Variants in MORN1 observed in about 807,000 individuals in gnomAD.
MORN1 encodes the protein MORN repeat-containing protein 1.
Under a neutral mutation model 61.9 loss-of-function variants are expected in MORN1, and 67 were observed. The ratio of observed to expected loss-of-function variants is 1.08; its 90% confidence interval spans 0.89 to 1.33. The LOEUF is 1.33. Among genes scored for constraint, MORN1 ranks in the 40% most tolerant of loss-of-function variants. The pLI, the probability that MORN1 is intolerant of heterozygous loss-of-function variation, is 0.00. For synonymous variants in MORN1, 301 were observed against 292.0 expected (o/e 1.03, Z -0.31); for missense variants, 752 against 691.2 (o/e 1.09, Z -0.99).
At chr1:2,329,032 G>T (rs1641093489) in intron 12 of MORN1, among the ~76,000 whole-genome samples, 1 of 152,218 alleles carries the variant, frequency 6.6e-6, no homozygotes, top group African/African-American at 2.4e-5. Flanking sequence ...CCTTGGGGAG[G>T]TGCCCACCGT....
rs1219972499 is a variant in MORN1, at chr1:2,357,390, C to T, written c.1036+42G>A. 1 of 1,549,012 alleles carries T rather than the reference C, an allele frequency of 6.5e-7. No individual in the cohort carries two copies. Among genetic ancestry groups the T allele is most frequent in the Non-Finnish European group, 8.7e-7 (1 of 1,145,590 alleles). On this transcript the variant is annotated intron_variant, in intron 10 of 13. Coordinates refer to ENST00000378531, the MANE Select transcript of MORN1 (RefSeq NM_024848.3). This position sits in a 1 kb window ranked among gnomAD's most constrained non-coding sequence, Gnocchi z 6.3. Reference sequence around the variant, plus strand: ...CCCACCCCCACCTTGACTGCTGGGCCTGGGCCCACCCACCCCCAACTGGTT... The same window carrying T: ...CCCACCCCCACCTTGACTGCTGGGCTTGGGCCCACCCACCCCCAACTGGTT...
rs749725203 is a variant in MORN1, at chr1:2,357,563, G to C, written c.905C>G (p.Pro302Arg). The C allele has an allele frequency of 3.7e-6, 6 of 1,611,294 alleles. No homozygotes were observed. Among genetic ancestry groups the C allele is most frequent in the Non-Finnish European group, 5.1e-6 (6 of 1,178,864 alleles). The change falls in exon 10 of 14, where the codon CCC (proline) becomes CGC (arginine). Residue 302 changes from proline (P) to arginine (R), a missense_variant. Pro to Arg is a moderately radical substitution (Grantham distance 103). Transcript: ENST00000378531. The surrounding 1 kb of genome is among the most constrained non-coding windows in gnomAD (Gnocchi z 6.3). ...TCTGGGCCCCGGCACCCCAGCTGCG[G>C]GGCTGGACACAGGATAAGGGATGCA... The part of the protein sequence containing the change: ...FECIPYPVSS[P>R]AAGVPGPRAA...
intron 4 of MORN1, chr1:2,386,265 T>C (rs1002338615): frequency 4.4e-6 from 1 of 225,434 alleles, no homozygotes; most frequent in Non-Finnish European, 8.8e-6. Context: ...AGTTTGGGCC[T>C]GTCGTTTGTT....
chr1:2,358,235 A>AAG (rs1491583249), intron 9 of MORN1, among the ~76,000 whole-genome samples: 1 of 152,058 alleles, frequency 6.6e-6, no homozygotes, highest in African/African-American at 2.4e-5. Context: ...TGGCTGCACC[A>AAG]AGAGAGGCCT....
Position 2,334,526 on chromosome 1 carries a change from C to T in MORN1, c.1250+1943G>A, listed in dbSNP as rs571571371. Among the ~76,000 whole-genome samples, 56 of 152,124 alleles carry T rather than the reference C, an allele frequency of 3.7e-4. No homozygotes were observed. Among genetic ancestry groups the T allele is most frequent in the African/African-American group, 1.3e-3 (54 of 41,534 alleles). Reference sequence around the variant, plus strand: ...GCCAGCTGCATGGAGAGGCGGGGCTCCCTTGGGGGAGCAGGCCTGGTTTTG... The same window carrying T: ...GCCAGCTGCATGGAGAGGCGGGGCTTCCTTGGGGGAGCAGGCCTGGTTTTG... On this transcript the variant is annotated intron_variant, in intron 12 of 13. Transcript: ENST00000378531. The surrounding 1 kb of genome is among the most constrained non-coding windows in gnomAD (Gnocchi z 5.4).
At chr1:2,354,789 T>C (rs1490935039) in intron 10 of MORN1, among the ~76,000 whole-genome samples, 3 of 152,170 alleles carry the variant, frequency 2.0e-5, no homozygotes, top group Non-Finnish European at 4.4e-5. Flanking sequence ...TAGCTTCACA[T>C]CAGAGTGAAA....
At chr1:2,338,465 C>G (rs1641328119) in intron 10 of MORN1, among the ~76,000 whole-genome samples, 1 of 152,154 alleles carries the variant, frequency 6.6e-6, no homozygotes, top group Non-Finnish European at 1.5e-5. Flanking sequence ...TGGACTGCGT[C>G]TTTTATCGAC....
intron 5 of MORN1, 180 bp from the exon 6 acceptor site, chr1:2,385,245 G>A (rs376437341): frequency 4.2e-5 from 26 of 626,330 alleles, no homozygotes; most frequent in South Asian, 9.7e-5. Context: ...GACGACAGGC[G>A]GTGGGGACAC....
chr1:2,378,553 G>A (rs1642296746), intron 6 of MORN1: 2 of 241,330 alleles, frequency 8.3e-6, no homozygotes, highest in South Asian at 1.1e-4. Context: ...TCCGTGCAGT[G>A]AGCAGGTGCT....
intron 6 of MORN1, chr1:2,378,637 G>A (rs1459079500): frequency 1.3e-5 from 4 of 299,124 alleles, no homozygotes; most frequent in African/African-American, 8.7e-5. Context: ...GATACAGCCA[G>A]GGATGCCCGG....
At chr1:2,325,642 ATT>A (rs529341445) in intron 12 of MORN1, among the ~76,000 whole-genome samples, 28,690 of 124,680 alleles carry the variant, frequency 0.23, 3,190 homozygotes, top group South Asian at 0.25. Flanking sequence ...GCCTTTGTTG[ATT>A]TTTTTTTTTT....
In MORN1 at chr1:2,372,795, C is replaced by T. The variant is rs571587423; in HGVS notation, c.635-204G>A. On this transcript the variant is annotated intron_variant, in intron 7 of 13. Transcript: ENST00000378531. This position sits in a 1 kb window ranked among gnomAD's most constrained non-coding sequence, Gnocchi z 5.4. Reference sequence around the variant, plus strand: ...TCGTCCACACTCAGACCGTGAGGCTCGGCTCTGCTGGCCTGGAGCACTGTG... The same window carrying T: ...TCGTCCACACTCAGACCGTGAGGCTTGGCTCTGCTGGCCTGGAGCACTGTG... Among the ~76,000 whole-genome samples, 12 of 152,364 alleles carry T rather than the reference C, an allele frequency of 7.9e-5. No homozygotes were observed. Among genetic ancestry groups the T allele is most frequent in the African/African-American group, 2.2e-4 (9 of 41,600 alleles).
chr1:2,335,386 G>A lies in MORN1; in HGVS notation c.1250+1083C>T, dbSNP rs561532145. ...ACACTCACGTCCGCTTCTGTTTGCC[G>A]GATGGGCAGAGGCAGAGGAGGTCTC... is the stretch of plus-strand genomic sequence containing the variant. On this transcript the variant is annotated intron_variant, in intron 12 of 13. Transcript: ENST00000378531. Among the ~76,000 whole-genome samples the A allele has an allele frequency of 3.9e-5, 6 of 152,318 alleles. No individual in the cohort carries two copies. In the South Asian group the frequency reaches 1.0e-3, roughly 26 times the overall value.
intron 13 of MORN1, chr1:2,323,794 G>T: frequency 1.0e-6 from 1 of 985,318 alleles, no homozygotes; most frequent in Non-Finnish European, 1.2e-6. Flanking sequence ...GGACCCCAAG[G>T]CCTCCGAGTC....
rs1641310965 is a variant in MORN1, at chr1:2,337,764, G to C, written c.1037-914C>G. Among the ~76,000 whole-genome samples the C allele has an allele frequency of 3.3e-5, 5 of 152,346 alleles. 1 individual carries two copies. In the South Asian group the frequency reaches 1.0e-3, roughly 32 times the overall value. On this transcript the variant is annotated intron_variant, in intron 10 of 13. Coordinates refer to ENST00000378531, the MANE Select transcript of MORN1 (RefSeq NM_024848.3). The surrounding 1 kb of genome is among the most constrained non-coding windows in gnomAD (Gnocchi z 5.7). ...AGGAGGTGCTAGCAGGAGGCCACGG[G>C]ATGTGGTGAGGGCTGGAGGTCGGCA...
In MORN1 at chr1:2,372,133, C is replaced by T. The variant is rs1642135716; in HGVS notation, c.745+348G>A. On this transcript the variant is annotated intron_variant, in intron 8 of 13. Transcript: ENST00000378531. The surrounding 1 kb of genome is among the most constrained non-coding windows in gnomAD (Gnocchi z 5.4). ...CCCCTCACTAGAATGGAAGACTGTT[C>T]CTCCTAAAAAGGAAGGACACTCTGA... 4.1e-6 allele frequency: 1 copy of T among 241,922 alleles called. No homozygotes were observed. The highest frequency in any genetic ancestry group is 5.2e-5 in the South Asian group (1 of 19,200). The allele number at this position is 241,922 out of a possible 1,614,324, so 15.0% of individuals were successfully genotyped here.
chr1:2,389,509 C>A (rs1642590524), intron 2 of MORN1, among the ~76,000 whole-genome samples: 1 of 152,218 alleles, frequency 6.6e-6, no homozygotes, highest in South Asian at 2.1e-4. Context: ...CTCAAGTGAT[C>A]CGCCCACCTT....
chr1:2,361,154 C>T (rs192820464), intron 8 of MORN1, among the ~76,000 whole-genome samples: 4 of 152,256 alleles, frequency 2.6e-5, no homozygotes, highest in African/African-American at 4.8e-5. Context: ...CTACTGAAAC[C>T]GGTCCAAAAC....
At chr1:2,346,533 C>A (rs1441897144) in intron 10 of MORN1, among the ~76,000 whole-genome samples, 1 of 152,068 alleles carries the variant, frequency 6.6e-6, no homozygotes, top group Non-Finnish European at 1.5e-5. Context: ...TTACAGGCGC[C>A]CGCCACCACA....
Sources: allele counts gnomAD v4.1 joint callset (sites outside exome capture counted in the v4.1 genomes callset), GRCh38; gene constraint gnomAD v4.1.1; non-coding constraint Gnocchi (gnomAD v3.1); transcripts MANE v1.5; gene names NCBI Gene and HGNC (gene_info 2026-07-23, HGNC 2026-07-21).